SCAI: variants seen among roughly 807,000 people sequenced by gnomAD.
The protein encoded by SCAI is suppressor of cancer cell invasion.
A neutral mutation model predicts 92.2 loss-of-function variants in SCAI; 24 were observed. The observed-to-expected ratio is 0.26, with a 90% CI of 0.19 to 0.37. The LOEUF is 0.37. Among genes scored for constraint, SCAI ranks in the 10% least tolerant of loss-of-function variants. The pLI is 1.00. For missense variants in SCAI, 450 were observed against 736.2 expected (o/e 0.61, Z 4.50); for synonymous variants, 261 against 258.6 (o/e 1.01, Z -0.09).
intron 17 of SCAI, among the ~76,000 whole-genome samples, chr9:124,955,791 G>A (rs1057346365): frequency 6.6e-6 from 1 of 151,988 alleles, no homozygotes; most frequent in Non-Finnish European, 1.5e-5. Context: ...AGGAATAAAA[G>A]GACAATGGAA....
intron 6 of SCAI, among the ~76,000 whole-genome samples, chr9:125,021,973 G>A (rs1318121530): frequency 6.6e-6 from 1 of 151,948 alleles, no homozygotes; most frequent in Non-Finnish European, 1.5e-5. Flanking sequence ...ATTGAACCTT[G>A]TATTAAACTT....
At chr9:125,007,067 C>A (rs56264612) in intron 9 of SCAI, among the ~76,000 whole-genome samples, 5 of 151,878 alleles carry the variant, frequency 3.3e-5, no homozygotes, top group African/African-American at 1.2e-4. Flanking sequence ...TGCAGTGAGC[C>A]GAGATCATGC....
chr9:125,061,966 GAT>G (rs1010797114), intron 2 of SCAI, among the ~76,000 whole-genome samples: 60 of 152,132 alleles, frequency 3.9e-4, no homozygotes, highest in African/African-American at 1.4e-3. Context: ...ATAAAATGAA[GAT>G]ATGTATGTGT....
At chr9:124,961,208 A>G (rs1384283854) in intron 17 of SCAI, among the ~76,000 whole-genome samples, 1 of 151,804 alleles carries the variant, frequency 6.6e-6, no homozygotes, top group African/African-American at 2.4e-5. Context: ...CTGAGGCAGG[A>G]GGATAGCTTG....
At chr9:125,010,750 G>A (rs536590400) in intron 9 of SCAI, among the ~76,000 whole-genome samples, 4 of 152,120 alleles carry the variant, frequency 2.6e-5, no homozygotes, top group Non-Finnish European at 4.4e-5. Context: ...CCCTGACCCC[G>A]ACCCCTGAGC....
chr9:125,129,653 G>T (rs1439835525), intron 2 of SCAI, among the ~76,000 whole-genome samples: 1 of 151,056 alleles, frequency 6.6e-6, no homozygotes, highest in African/African-American at 2.4e-5. Context: ...CAATAGAGAT[G>T]GGGTTTCACC....
At position 125,131,430 on chromosome 9, in the gene SCAI, T is replaced by G. The variant is rs866399344; in HGVS notation, c.98+11203A>C. Among the ~76,000 whole-genome samples the G allele has an allele frequency of 2.5e-3, 348 of 141,610 alleles. 4 individuals carry two copies. The highest frequency in any genetic ancestry group is 7.8e-3 in the East Asian group (38 of 4,876). 92.9% of individuals were successfully genotyped at this position (141,610 alleles called of 152,430 possible). A position where few individuals can be genotyped will look rare whatever the true frequency, so the allele number is the denominator to read the frequency against. On this transcript the variant is annotated intron_variant, in intron 2 of 17. Transcript: ENST00000336505. ...CTCAAAAAAAAAAAAAAAAGAAAAA[T>G]AAACATATATACATATATAAAATAT...
intron 3 of SCAI, among the ~76,000 whole-genome samples, chr9:125,031,723 C>T (rs1357043098): frequency 1.3e-5 from 2 of 152,184 alleles, no homozygotes; most frequent in East Asian, 1.9e-4. Context: ...CATAAAGGTC[C>T]TATATTTCCT....
chr9:124,966,342 CT>C (rs1831542132), intron 17 of SCAI, among the ~76,000 whole-genome samples: 2 of 150,696 alleles, frequency 1.3e-5, no homozygotes, highest in Admixed American at 1.3e-4. Context: ...GTTTTTTGTC[CT>C]TCCATAAAAA....
At chr9:125,004,637 C>T (rs1225161205) in intron 9 of SCAI, among the ~76,000 whole-genome samples, 2 of 147,588 alleles carry the variant, frequency 1.4e-5, no homozygotes, top group Admixed American at 6.8e-5. Flanking sequence ...CTTTTCAGCC[C>T]GAATTCTATA....
rs1024500900 is a variant in SCAI, at chr9:125,119,394, T to C, written c.98+23239A>G. ...AAATGGAGTTATCTAGGCAGCAATA[T>C]TGTTGTCCAATATTTGATTTCTTGT... On this transcript the variant is annotated intron_variant, in intron 2 of 17. Transcript: ENST00000336505. 3.3e-5 allele frequency among the ~76,000 whole-genome samples: 5 copies of C among 152,300 alleles called. No individual in the cohort carries two copies. The East Asian group carries it at 9.6e-4, about 29-fold the overall frequency.
chr9:125,133,067 G>A (rs1835436441), intron 2 of SCAI, among the ~76,000 whole-genome samples: 1 of 152,080 alleles, frequency 6.6e-6, no homozygotes, highest in Non-Finnish European at 1.5e-5. Context: ...CCATACATGG[G>A]AGAAAACATA....
chr9:125,010,325 C>T (rs918446207), intron 9 of SCAI, among the ~76,000 whole-genome samples: 3 of 152,294 alleles, frequency 2.0e-5, no homozygotes, highest in Admixed American at 2.0e-4. Flanking sequence ...GTCACTTCCA[C>T]CCCAATACTG....
At chr9:125,034,600 T>G (rs1463823366) in intron 3 of SCAI, among the ~76,000 whole-genome samples, 3 of 151,928 alleles carry the variant, frequency 2.0e-5, no homozygotes, top group Admixed American at 1.3e-4. Context: ...AAAAAATAAA[T>G]TTGCCAGGCG....
chr9:124,971,904 T>C, intron 15 of SCAI, 60 bp from the exon 16 acceptor site: 2 of 958,042 alleles, frequency 2.1e-6, no homozygotes, highest in Non-Finnish European at 3.0e-6. Context: ...AAGAGATACA[T>C]ATGAGGAACA....
At chr9:125,017,599 T>C (rs1259547639) in intron 9 of SCAI, among the ~76,000 whole-genome samples, 2 of 152,206 alleles carry the variant, frequency 1.3e-5, no homozygotes, top group East Asian at 3.9e-4. Flanking sequence ...TCTAGAAAAA[T>C]GTATTCACTG....
At chr9:124,964,208 T>C (rs1306740669) in intron 17 of SCAI, among the ~76,000 whole-genome samples, 1 of 152,190 alleles carries the variant, frequency 6.6e-6, no homozygotes, top group African/African-American at 2.4e-5. Flanking sequence ...CACTGCTTCT[T>C]CTATGTCTGC....
intron 2 of SCAI, among the ~76,000 whole-genome samples, chr9:125,082,098 TAGG>T (rs1469249367): frequency 6.6e-6 from 1 of 152,066 alleles, no homozygotes; most frequent in Non-Finnish European, 1.5e-5. Context: ...CCTGGAGGTC[TAGG>T]AGAATATGGT....
At chr9:124,975,438 C>G (rs965297491) in intron 15 of SCAI, 1 of 447,350 alleles carries the variant, frequency 2.2e-6, no homozygotes, top group African/African-American at 2.0e-5. Flanking sequence ...ACTGCTAAAA[C>G]AGTGTTAAGG....
Sources: gnomAD v4.1 joint callset for allele counts (sites outside exome capture counted in the v4.1 genomes callset) on GRCh38, gnomAD v4.1.1 for gene constraint, MANE v1.5 for transcripts, NCBI Gene and HGNC (gene_info 2026-07-23, HGNC 2026-07-21) for gene names.